The following ANKRD11 variants were observed in gnomAD, a reference collection of about 807,000 sequenced individuals.
ANKRD11 encodes ankyrin repeat domain-containing protein 11.
Under a neutral mutation model 195.7 loss-of-function variants are expected in ANKRD11, and 17 were observed. That is an observed-to-expected ratio of 0.09 (90% CI 0.06 to 0.13). The LOEUF (loss-of-function observed/expected upper bound fraction) is 0.13. Among genes scored for constraint, ANKRD11 ranks in the 10% least tolerant of loss-of-function variants. The pLI is 1.00. For synonymous variants in ANKRD11, 1,953 were observed against 1,528.1 expected, an observed-to-expected ratio of 1.28 and a Z score of -6.49; for missense variants, 3,735 against 3,566.1, an observed-to-expected ratio of 1.05 and a Z score of -1.21.
intron 1 of ANKRD11, among the ~76,000 whole-genome samples, chr16:89,454,542 C>T (rs1434627749): frequency 1.3e-5 from 2 of 152,178 alleles, no homozygotes. Context: ...TTAAACCAAG[C>T]CACTATGAAA....
chr16:89,302,677 T>C (rs1009049363), intron 4 of ANKRD11, among the ~76,000 whole-genome samples: 4 of 152,184 alleles, frequency 2.6e-5, no homozygotes, highest in Non-Finnish European at 5.9e-5. Context: ...CAAGAAGTTA[T>C]TAAAATTGGC....
chr16:89,317,528 G>A (rs998254569), intron 2 of ANKRD11, among the ~76,000 whole-genome samples: 6 of 152,108 alleles, frequency 3.9e-5, no homozygotes, highest in African/African-American at 7.2e-5. Context: ...CACAGCCCCA[G>A]CCTCACGCCC....
At chr16:89,424,289 A>C (rs1307576924) in intron 1 of ANKRD11, among the ~76,000 whole-genome samples, 2 of 152,084 alleles carry the variant, frequency 1.3e-5, no homozygotes, top group Non-Finnish European at 2.9e-5. Context: ...TAAAAATACA[A>C]AATTAGCCAG....
rs560837281 is a variant in ANKRD11, at chr16:89,282,355, A to T, written c.4187T>A (p.Phe1396Tyr). The change falls in exon 9 of 13, where the codon TTC becomes TAC. Residue 1396 changes from phenylalanine (F) to tyrosine (Y), a missense_variant. Physicochemically the swap from Phe to Tyr is conservative, Grantham distance 22. Transcript: ENST00000301030. ...RKDSGQYEKDFLEADAYGVSY... is the reference protein window; with the variant it reads ...RKDSGQYEKDYLEADAYGVSY... ...AACTCCGTAAGCATCCGCCTCCAGG[A>T]AGTCCTTTTCGTACTGGCCGGAGTC... 44 of 1,614,174 alleles carry T rather than the reference A, an allele frequency of 2.7e-5. 1 individual carries two copies. The South Asian group carries it at 4.5e-4, about 17-fold the overall frequency.
At chr16:89,413,797 ACT>A (rs950435862) in intron 2 of ANKRD11, among the ~76,000 whole-genome samples, 2 of 151,866 alleles carry the variant, frequency 1.3e-5, no homozygotes, top group African/African-American at 4.8e-5. Flanking sequence ...TGCCAGGGAG[ACT>A]CTGCACTCCC....
At chr16:89,453,301 T>C (rs2056277621) in intron 1 of ANKRD11, among the ~76,000 whole-genome samples, 1 of 152,236 alleles carries the variant, frequency 6.6e-6, no homozygotes, top group African/African-American at 2.4e-5. Context: ...AGAAAATTAT[T>C]GTTCGAGGTC....
intron 2 of ANKRD11, among the ~76,000 whole-genome samples, chr16:89,397,493 C>T (rs1004629718): frequency 6.6e-6 from 1 of 152,238 alleles, no homozygotes; most frequent in Non-Finnish European, 1.5e-5. Context: ...CCGTGGCGGG[C>T]CTTGCTGCTA....
At chr16:89,486,352 G>T (rs2057613971) in intron 1 of ANKRD11, among the ~76,000 whole-genome samples, 1 of 151,410 alleles carries the variant, frequency 6.6e-6, no homozygotes, top group Non-Finnish European at 1.5e-5. Context: ...GAGGTGGGAG[G>T]ATCGCTTCAG....
In ANKRD11 at chr16:89,430,842, C is replaced by G. The variant is rs180986580; in HGVS notation, c.-144-12474G>C. On this transcript the variant is annotated intron_variant, in intron 1 of 12. Transcript: ENST00000301030. Reference sequence around the variant, plus strand: ...AGTTTGCTCCTCACATATGACCTTACGCAGTTTCTGTCTGAGAATCATCAT... The same window carrying G: ...AGTTTGCTCCTCACATATGACCTTAGGCAGTTTCTGTCTGAGAATCATCAT... 1.4e-3 allele frequency among the ~76,000 whole-genome samples: 209 copies of G among 152,298 alleles called. 3 individuals are homozygous for G. In the South Asian group the frequency reaches 0.031, roughly 22 times the overall value.
rs758590792 is a variant in ANKRD11, at chr16:89,279,037, G to C, written c.7470+35C>G. 2 of 1,612,412 alleles carry C rather than the reference G, an allele frequency of 1.2e-6. No individual in the cohort carries two copies. ...AGGGGCCCCAGACGCATCCCAGAGA[G>C]AGAAGGCAGTGGCTCTCCCGGGCCC... On this transcript the variant is annotated intron_variant, in intron 9 of 12. Transcript: ENST00000301030. The surrounding 1 kb of genome is among the most constrained non-coding windows in gnomAD (Gnocchi z 5.6).
chr16:89,409,287 A>G (rs1047825919), intron 2 of ANKRD11, among the ~76,000 whole-genome samples: 2 of 152,220 alleles, frequency 1.3e-5, no homozygotes, highest in Non-Finnish European at 2.9e-5. Context: ...CTAGGCTACA[A>G]GAAAGCTCAA....
At chr16:89,402,708 T>C (rs1311901216) in intron 2 of ANKRD11, among the ~76,000 whole-genome samples, 1 of 127,834 alleles carries the variant, frequency 7.8e-6, no homozygotes, top group Non-Finnish European at 1.7e-5. Flanking sequence ...CTCTGCGAGG[T>C]TAGGAGAGGG....
At chr16:89,305,479 G>T in intron 3 of ANKRD11, 135 bp from the exon 4 acceptor site, 1 of 1,249,762 alleles carries the variant, frequency 8.0e-7, no homozygotes, top group Non-Finnish European at 1.1e-6. Flanking sequence ...CCAGGGCGTG[G>T]CTGTGTGAGG....
At chr16:89,471,966 A>G (rs1166050486) in intron 1 of ANKRD11, among the ~76,000 whole-genome samples, 1 of 152,066 alleles carries the variant, frequency 6.6e-6, no homozygotes, top group African/African-American at 2.4e-5. Flanking sequence ...CCTGCCAAAC[A>G]TCACATGCTC....
chr16:89,324,285 G>A (rs1019983914), intron 2 of ANKRD11: 6 of 1,254,442 alleles, frequency 4.8e-6, no homozygotes, highest in African/African-American at 4.6e-5. Context: ...CCCGTGCTCC[G>A]GAACACGGAC....
chr16:89,274,713 C>T (rs540409758), intron 11 of ANKRD11, 101 bp downstream of exon 11: 14 of 1,554,536 alleles, frequency 9.0e-6, no homozygotes, highest in Admixed American at 6.7e-5. Context: ...GCTGAGCACC[C>T]GGGAAGCTCC....
chr16:89,432,977 TCTCTCTCTCTCTC>T (rs1236348496), intron 1 of ANKRD11, among the ~76,000 whole-genome samples: 8 of 145,338 alleles, frequency 5.5e-5, no homozygotes, highest in African/African-American at 2.2e-4. Context: ...TCTCTCTCTC[TCTCTCTCTCTCTC>T]CTCTCTCTCA....
chr16:89,434,252 A>C (rs758508127), intron 1 of ANKRD11, among the ~76,000 whole-genome samples: 9 of 152,100 alleles, frequency 5.9e-5, no homozygotes, highest in Non-Finnish European at 1.0e-4. Flanking sequence ...GGTGAACTGC[A>C]ATTTTTTTAA....
chr16:89,417,617 C>T (rs933950680), intron 2 of ANKRD11, among the ~76,000 whole-genome samples: 17 of 152,164 alleles, frequency 1.1e-4, no homozygotes, highest in Admixed American at 2.0e-4. Flanking sequence ...ACACACTGGT[C>T]TCCAGCTCCT....
Sources: allele counts gnomAD v4.1 joint callset (sites outside exome capture counted in the v4.1 genomes callset), GRCh38; gene constraint gnomAD v4.1.1; non-coding constraint Gnocchi (gnomAD v3.1); transcripts MANE v1.5; gene names NCBI Gene and HGNC (gene_info 2026-07-23, HGNC 2026-07-21).